GRXCR1: variants seen among roughly 807,000 people sequenced by gnomAD.
The protein encoded by GRXCR1 is glutaredoxin and cysteine rich domain containing 1, also known as glutaredoxin domain-containing cysteine-rich protein 1.
A neutral mutation model predicts 27.3 loss-of-function variants in GRXCR1; 27 were observed. The ratio of observed to expected loss-of-function variants is 0.99; its 90% confidence interval spans 0.73 to 1.37. GRXCR1 has a LOEUF of 1.37. Among genes scored for constraint, GRXCR1 ranks in the 40% most tolerant of loss-of-function variants. GRXCR1 has a pLI of 0.00. For missense variants in GRXCR1, 379 were observed against 354.4 expected (o/e 1.07, Z -0.56); for synonymous variants, 122 against 131.1 (o/e 0.93, Z 0.47).
At chr4:42,931,468 A>G (rs905079440) in intron 1 of GRXCR1, among the ~76,000 whole-genome samples, 4 of 152,060 alleles carry the variant, frequency 2.6e-5, no homozygotes, top group Middle Eastern at 3.4e-3. Context: ...TATGGCTGAT[A>G]AAATGTAACC....
intron 1 of GRXCR1, among the ~76,000 whole-genome samples, chr4:42,943,046 A>C (rs1302380146): frequency 6.6e-6 from 1 of 152,024 alleles, no homozygotes. Context: ...CAAGTTAATA[A>C]ATGAATCGCA....
chr4:42,936,877 A>T (rs1483180606), intron 1 of GRXCR1, among the ~76,000 whole-genome samples: 1 of 151,936 alleles, frequency 6.6e-6, no homozygotes, highest in Non-Finnish European at 1.5e-5. Flanking sequence ...AGTACATGCT[A>T]TCAACATGAC....
chr4:43,014,431 A>G (rs1712867070), intron 2 of GRXCR1, among the ~76,000 whole-genome samples: 1 of 152,134 alleles, frequency 6.6e-6, no homozygotes, highest in Non-Finnish European at 1.5e-5. Context: ...GGCAGGCATC[A>G]TGCTAGGTGC....
chr4:42,963,050 T>C lies in GRXCR1; in HGVS notation c.543T>C (p.Tyr181=). ...EEKNIALNGE[Y]GKELDERCRR... ...AAAACATAGCCCTGAATGGTGAATA[T>C]GGAAAAGAGTTAGACGAACGATGCC... Residue 181 remains tyrosine, a synonymous_variant, in exon 2 of 4, where the codon TAT becomes TAC. Transcript: ENST00000399770. 6.2e-7 allele frequency: 1 copy of C among 1,612,906 alleles called. No individual in the cohort carries two copies. Among genetic ancestry groups the C allele is most frequent in the South Asian group, 1.1e-5 (1 of 91,066 alleles).
chr4:42,955,124 C>T (rs906801426), intron 1 of GRXCR1, among the ~76,000 whole-genome samples: 1 of 152,052 alleles, frequency 6.6e-6, no homozygotes, highest in Non-Finnish European at 1.5e-5. Flanking sequence ...CAGGTTGGCC[C>T]ACTGCCTGAT....
At chr4:43,022,744 A>G (rs1400176436) in intron 3 of GRXCR1, among the ~76,000 whole-genome samples, 1 of 152,326 alleles carries the variant, frequency 6.6e-6, no homozygotes, top group African/African-American at 2.4e-5. Flanking sequence ...GATAAGGGAT[A>G]CAAAATACAG....
At chr4:42,895,505 C>G (rs1746328203) in intron 1 of GRXCR1, among the ~76,000 whole-genome samples, 2 of 152,076 alleles carry the variant, frequency 1.3e-5, no homozygotes, top group South Asian at 4.1e-4. Flanking sequence ...TCATTGTCAT[C>G]AGCAGCATCT....
intron 1 of GRXCR1, among the ~76,000 whole-genome samples, chr4:42,897,202 CA>C (rs1746365721): frequency 6.6e-6 from 1 of 152,084 alleles, no homozygotes; most frequent in East Asian, 1.9e-4. Flanking sequence ...CTGTTAGCAG[CA>C]AAATATTTCC....
chr4:42,981,956 C>T (rs1256378109), intron 2 of GRXCR1, among the ~76,000 whole-genome samples: 3 of 152,092 alleles, frequency 2.0e-5, no homozygotes, highest in East Asian at 1.9e-4. Context: ...TATTTGACCT[C>T]CCTGTGTCTA....
intron 2 of GRXCR1, among the ~76,000 whole-genome samples, chr4:43,000,014 A>G (rs1283538915): frequency 1.3e-5 from 2 of 152,186 alleles, no homozygotes; most frequent in Non-Finnish European, 1.5e-5. Context: ...GCAGTTTGAA[A>G]ACATTAAATG....
intron 1 of GRXCR1, among the ~76,000 whole-genome samples, chr4:42,928,956 A>T (rs1577909187): frequency 6.6e-6 from 1 of 152,016 alleles, no homozygotes; most frequent in African/African-American, 2.4e-5. Context: ...CTTTCTCCCC[A>T]TCTAGAAAGA....
At chr4:42,905,548 T>C (rs867667219) in intron 1 of GRXCR1, among the ~76,000 whole-genome samples, 18 of 152,320 alleles carry the variant, frequency 1.2e-4, no homozygotes, top group Middle Eastern at 3.4e-3. Context: ...TTTTCGTGGC[T>C]TTATATATGA....
At chr4:42,894,174 A>G (rs73240010) in intron 1 of GRXCR1, among the ~76,000 whole-genome samples, 26,202 of 152,054 alleles carry the variant, frequency 0.17, 2,840 homozygotes, top group Non-Finnish European at 0.24. Context: ...TTCAATATCA[A>G]TTTCTCTATT....
At chr4:42,905,449 G>A (rs1489154275) in intron 1 of GRXCR1, among the ~76,000 whole-genome samples, 1 of 152,184 alleles carries the variant, frequency 6.6e-6, no homozygotes, top group East Asian at 1.9e-4. Context: ...TCTGCTATGA[G>A]CCACACGGTG....
chr4:42,976,589 C>A (rs1376376202), intron 2 of GRXCR1, among the ~76,000 whole-genome samples: 1 of 151,904 alleles, frequency 6.6e-6, no homozygotes, highest in Non-Finnish European at 1.5e-5. Context: ...ACACCAAAAC[C>A]TCCCATTCTT....
intron 1 of GRXCR1, among the ~76,000 whole-genome samples, chr4:42,920,369 G>A (rs1049363624): frequency 6.6e-6 from 1 of 152,124 alleles, no homozygotes; most frequent in South Asian, 2.1e-4. Flanking sequence ...GGCCCAATGA[G>A]TGAATTAATT....
At chr4:42,927,177 G>A (rs1211264286) in intron 1 of GRXCR1, among the ~76,000 whole-genome samples, 1 of 151,982 alleles carries the variant, frequency 6.6e-6, no homozygotes, top group South Asian at 2.1e-4. Flanking sequence ...TTCCAGGGAA[G>A]GGGTAGACCA....
intron 2 of GRXCR1, among the ~76,000 whole-genome samples, chr4:43,007,934 T>G (rs1712616423): frequency 6.6e-6 from 1 of 152,204 alleles, no homozygotes; most frequent in South Asian, 2.1e-4. Flanking sequence ...CCCATTTTGT[T>G]TCATTTTTAC....
intron 2 of GRXCR1, among the ~76,000 whole-genome samples, chr4:42,963,688 A>G (rs1056054212): frequency 2.0e-5 from 3 of 151,990 alleles, no homozygotes; most frequent in Non-Finnish European, 2.9e-5. Context: ...CCAGAGCAGC[A>G]GCAGAACATG....
Sources: gnomAD v4.1 joint callset for allele counts (sites outside exome capture counted in the v4.1 genomes callset) on GRCh38, gnomAD v4.1.1 for gene constraint, MANE v1.5 for transcripts, NCBI Gene and HGNC (gene_info 2026-07-23, HGNC 2026-07-21) for gene names.